GSG1L: variants seen among roughly 807,000 people sequenced by gnomAD.
GSG1L encodes germ cell-specific gene 1-like protein.
In GSG1L, 24 loss-of-function variants were observed where a neutral mutation model predicts 42.1. The observed-to-expected ratio is 0.57, with a 90% CI of 0.41 to 0.80. GSG1L has a LOEUF of 0.80. GSG1L is among the 30% of genes least tolerant of loss of function. GSG1L has a pLI of 0.00. For missense variants in GSG1L, 445 were observed against 472.2 expected (o/e 0.94, Z 0.53); for synonymous variants, 215 against 203.5 (o/e 1.06, Z -0.48).
intron 1 of GSG1L, among the ~76,000 whole-genome samples, chr16:27,982,666 A>G (rs2085338148): frequency 6.6e-6 from 1 of 152,182 alleles, no homozygotes. Flanking sequence ...CCATATAAGC[A>G]TGGTATCAGC....
intron 1 of GSG1L, among the ~76,000 whole-genome samples, chr16:27,988,870 T>G (rs922365830): frequency 6.6e-6 from 1 of 151,152 alleles, no homozygotes; most frequent in South Asian, 2.1e-4. Flanking sequence ...CTGGCTAACA[T>G]GGTGAAACCC....
At chr16:28,048,111 C>T (rs1164147543) in intron 1 of GSG1L, among the ~76,000 whole-genome samples, 1 of 151,644 alleles carries the variant, frequency 6.6e-6, no homozygotes, top group Non-Finnish European at 1.5e-5. Flanking sequence ...CACCTTTAGT[C>T]CCACTACTCA....
intron 1 of GSG1L, among the ~76,000 whole-genome samples, chr16:27,978,575 C>A (rs2085276412): frequency 6.6e-6 from 1 of 151,886 alleles, no homozygotes; most frequent in African/African-American, 2.4e-5. Flanking sequence ...CCTGTAATCC[C>A]AGCTACTCAG....
chr16:27,931,814 C>T (rs2084660328), intron 2 of GSG1L, among the ~76,000 whole-genome samples: 2 of 152,142 alleles, frequency 1.3e-5, no homozygotes, highest in African/African-American at 4.8e-5. Flanking sequence ...ACTAAGAGAA[C>T]AGACAGGCAC....
chr16:27,918,283 A>G (rs555957892), intron 2 of GSG1L, among the ~76,000 whole-genome samples: 2 of 152,278 alleles, frequency 1.3e-5, no homozygotes, highest in South Asian at 4.2e-4. Flanking sequence ...CACCCAGCAG[A>G]AAAAAACAAC....
At chr16:27,882,161 A>T (rs1041730918) in intron 3 of GSG1L, among the ~76,000 whole-genome samples, 1 of 152,040 alleles carries the variant, frequency 6.6e-6, no homozygotes, top group Admixed American at 6.6e-5. Context: ...GTCTCACGAG[A>T]GCTGATGGTT....
intron 2 of GSG1L, among the ~76,000 whole-genome samples, chr16:27,949,769 C>CA (rs1216691491): frequency 5.9e-5 from 9 of 152,066 alleles, no homozygotes; most frequent in African/African-American, 1.9e-4. Flanking sequence ...ACTAAAAATA[C>CA]AAAAAATTAG....
chr16:27,943,619 G>A (rs1298228830), intron 2 of GSG1L, among the ~76,000 whole-genome samples: 1 of 111,170 alleles, frequency 9.0e-6, no homozygotes, highest in Non-Finnish European at 1.6e-5. Flanking sequence ...GTGTCACCCA[G>A]ACTGAAGTGG....
intron 1 of GSG1L, among the ~76,000 whole-genome samples, chr16:28,001,021 G>C (rs1457572649): frequency 6.6e-6 from 1 of 152,090 alleles, no homozygotes; most frequent in Non-Finnish European, 1.5e-5. Flanking sequence ...ATTATTCAGG[G>C]AGTGGATTGC....
intron 2 of GSG1L, among the ~76,000 whole-genome samples, chr16:27,946,575 A>AAGAAAGAG (rs1171738855): frequency 3.9e-5 from 1 of 25,398 alleles, no homozygotes. Context: ...GAAAGAAAGA[A>AAGAAAGAG]AGAAAGAGAG....
chr16:27,854,862 G>A lies in GSG1L; in HGVS notation c.551-9801C>T, dbSNP rs573707211. ...AGAAAGTTCTCAGGCTTGTGATTGGGTGGGAATGAGATCCAGGAGAGCGGG... is the reference window on the plus strand; with the variant it reads ...AGAAAGTTCTCAGGCTTGTGATTGGATGGGAATGAGATCCAGGAGAGCGGG... On this transcript the variant is annotated intron_variant, in intron 3 of 6. Coordinates refer to ENST00000447459, the MANE Select transcript of GSG1L (RefSeq NM_001109763.2). Among the ~76,000 whole-genome samples the A allele has an allele frequency of 5.3e-5, 8 of 152,268 alleles. No individual in the cohort carries two copies. The East Asian group carries it at 1.4e-3, about 26-fold the overall frequency.
chr16:27,946,602 AGAGAGAGAGAGAGAGAGAGAGAG>A lies in GSG1L; in HGVS notation c.397+16531_397+16553del, dbSNP rs1567529818. ...GAAAGAGAGAGAGAGAGAGAGAGAG[AGAGAGAGAGAGAGAGAGAGAGAG>A]AGAGAGAAAGAAAGAAAGAAAGAAA... On this transcript the variant is annotated intron_variant, in intron 2 of 6. Coordinates refer to ENST00000447459, the MANE Select transcript of GSG1L (RefSeq NM_001109763.2). Among the ~76,000 whole-genome samples, 19 of 6,860 alleles carry A rather than the reference AGAGAGAGAGAGAGAGAGAGAGAG, an allele frequency of 2.8e-3. 1 individual carries two copies. Among genetic ancestry groups the A allele is most frequent in the African/African-American group, 7.9e-3 (18 of 2,274 alleles). 4.5% of individuals were successfully genotyped at this position (6,860 alleles called of 152,430 possible). A position where few individuals can be genotyped will look rare whatever the true frequency, so the allele number is the denominator to read the frequency against.
At chr16:27,982,681 G>T (rs926349718) in intron 1 of GSG1L, among the ~76,000 whole-genome samples, 3 of 152,214 alleles carry the variant, frequency 2.0e-5, no homozygotes, top group African/African-American at 7.2e-5. Flanking sequence ...ATCAGCATCT[G>T]CTCTGCTTCT....
chr16:27,944,483 G>A (rs1047954402), intron 2 of GSG1L, among the ~76,000 whole-genome samples: 11 of 151,970 alleles, frequency 7.2e-5, no homozygotes. Flanking sequence ...TTAGCTGGGT[G>A]TGGTGGCATG....
chr16:28,039,618 A>C (rs1348812302), intron 1 of GSG1L, among the ~76,000 whole-genome samples: 4 of 142,010 alleles, frequency 2.8e-5, no homozygotes, highest in Admixed American at 1.4e-4. Flanking sequence ...CACACACACA[A>C]GCAGACATGT....
At chr16:27,891,884 C>T (rs1421488291) in intron 2 of GSG1L, among the ~76,000 whole-genome samples, 49 of 74,330 alleles carry the variant, frequency 6.6e-4, no homozygotes, top group South Asian at 7.7e-4. Context: ...AGTGACAGAT[C>T]TTTTTTTTTT....
intron 3 of GSG1L, among the ~76,000 whole-genome samples, chr16:27,877,103 C>G (rs1212748573): frequency 2.0e-5 from 3 of 152,190 alleles, no homozygotes. Context: ...GCTCACAACC[C>G]TTTCTGGATC....
intron 3 of GSG1L, among the ~76,000 whole-genome samples, chr16:27,877,948 A>C (rs1376800172): frequency 6.6e-6 from 1 of 152,230 alleles, no homozygotes; most frequent in Non-Finnish European, 1.5e-5. Context: ...GGCTGCAGGC[A>C]AGTCAGTTTT....
intron 2 of GSG1L, among the ~76,000 whole-genome samples, chr16:27,946,501 T>C (rs76544482): frequency 6.7e-6 from 1 of 148,150 alleles, no homozygotes; most frequent in African/African-American, 2.5e-5. Flanking sequence ...GCCGAAACTG[T>C]GCCATTGCAC....
Sources: gnomAD v4.1 joint callset for allele counts (sites outside exome capture counted in the v4.1 genomes callset) on GRCh38, gnomAD v4.1.1 for gene constraint, MANE v1.5 for transcripts, NCBI Gene and HGNC (gene_info 2026-07-23, HGNC 2026-07-21) for gene names.